SGCZ: variants seen among roughly 807,000 people sequenced by gnomAD.
SGCZ encodes sarcoglycan zeta.
A neutral mutation model predicts 41.3 loss-of-function variants in SGCZ; 40 were observed. The observed-to-expected ratio is 0.97, with a 90% CI of 0.75 to 1.26. The LOEUF is 1.26. Ranked by LOEUF, SGCZ falls within the 50% of genes most tolerant of loss-of-function variation. The pLI, the probability that SGCZ is intolerant of heterozygous loss-of-function variation, is 0.00. For missense variants in SGCZ, 552 were observed against 369.8 expected, an observed-to-expected ratio of 1.49 and a Z score of -4.04; for synonymous variants, 206 against 137.5, an observed-to-expected ratio of 1.50 and a Z score of -3.49.
At chr8:15,032,840 C>A (rs933072566) in intron 1 of SGCZ, among the ~76,000 whole-genome samples, 1 of 152,122 alleles carries the variant, frequency 6.6e-6, no homozygotes, top group African/African-American at 2.4e-5. Context: ...TCTAGGCCAG[C>A]CTCTGTGGAT....
chr8:14,517,004 A>G (rs7839802), intron 2 of SGCZ, among the ~76,000 whole-genome samples: 98,450 of 151,890 alleles, frequency 0.65, 32,417 homozygotes, highest in South Asian at 0.76. Flanking sequence ...GCCAGGAACC[A>G]GGAAGTCAAG....
rs548423412 is a variant in SGCZ at position 14,752,120 on chromosome 8, A to T, written c.40-197194T>A. Among the ~76,000 whole-genome samples the T allele has an allele frequency of 1.4e-3, 152 of 105,234 alleles. 2 individuals carry two copies. In the South Asian group the frequency reaches 0.022, roughly 15 times the overall value. The allele number at this position is 105,234 out of a possible 152,430, so 69.0% of individuals were successfully genotyped here. On this transcript the variant is annotated intron_variant, in intron 1 of 7. Transcript: ENST00000382080. ...AAAATACCGAAAACAAAAGAAAACA[A>T]AACAAAAAAGCCAAAAAAAAAAAAA...
chr8:14,186,309 G>T lies in SGCZ; in HGVS notation c.425-21607C>A, dbSNP rs185234217. On this transcript the variant is annotated intron_variant, in intron 4 of 7. Transcript: ENST00000382080. ...ATTTTTTAAACAGCAGAAGCAGAGAGAGACTGTATCATTTTAGCCATGAAT... is the reference window on the plus strand; with the variant it reads ...ATTTTTTAAACAGCAGAAGCAGAGATAGACTGTATCATTTTAGCCATGAAT... 3.9e-3 allele frequency among the ~76,000 whole-genome samples: 596 copies of T among 152,346 alleles called. 32 individuals carry two copies. Among genetic ancestry groups the T allele is most frequent in the Admixed American group, 0.038 (578 of 15,302 alleles).
chr8:14,525,882 A>G (rs2117112164), intron 2 of SGCZ, among the ~76,000 whole-genome samples: 1 of 152,206 alleles, frequency 6.6e-6, no homozygotes, highest in East Asian at 1.9e-4. Context: ...TTCACAGAAC[A>G]AAAATACGAT....
At chr8:15,139,204 T>G (rs772068463) in intron 1 of SGCZ, among the ~76,000 whole-genome samples, 1 of 152,204 alleles carries the variant, frequency 6.6e-6, no homozygotes, top group African/African-American at 2.4e-5. Context: ...ATTTCCCTAA[T>G]ACAATTCTTT....
chr8:14,796,683 A>T (rs533369658), intron 1 of SGCZ, among the ~76,000 whole-genome samples: 75 of 152,198 alleles, frequency 4.9e-4, no homozygotes, highest in Non-Finnish European at 8.1e-4. Flanking sequence ...GTAAACATCA[A>T]CTCAACTGGG....
chr8:15,059,803 C>T (rs144941474), intron 1 of SGCZ, among the ~76,000 whole-genome samples: 78 of 152,300 alleles, frequency 5.1e-4, no homozygotes, highest in African/African-American at 1.6e-3. Flanking sequence ...CCTCATATAG[C>T]CCAAGAACTC....
chr8:14,874,543 T>C (rs895037038), intron 1 of SGCZ, among the ~76,000 whole-genome samples: 7 of 152,160 alleles, frequency 4.6e-5, no homozygotes, highest in African/African-American at 1.7e-4. Context: ...CTTAATATGA[T>C]TAAAATGATT....
intron 5 of SGCZ, among the ~76,000 whole-genome samples, chr8:14,112,905 G>T (rs945518929): frequency 7.3e-5 from 11 of 150,380 alleles, no homozygotes; most frequent in African/African-American, 2.7e-4. Context: ...TTTGGGGAAA[G>T]GATGGAGTAA....
chr8:14,742,683 C>G (rs1257481003), intron 1 of SGCZ, among the ~76,000 whole-genome samples: 3 of 151,944 alleles, frequency 2.0e-5, no homozygotes, highest in Admixed American at 6.6e-5. Flanking sequence ...TTCCAGTGTA[C>G]TTAAGGAAAG....
chr8:14,536,970 C>T (rs1286039841), intron 2 of SGCZ, among the ~76,000 whole-genome samples: 1 of 151,846 alleles, frequency 6.6e-6, no homozygotes, highest in Non-Finnish European at 1.5e-5. Context: ...AAAGGAAATT[C>T]AAAATACCTT....
chr8:14,281,811 G>T (rs1177076544), intron 3 of SGCZ, among the ~76,000 whole-genome samples: 2 of 152,002 alleles, frequency 1.3e-5, no homozygotes, highest in East Asian at 3.9e-4. Context: ...AGAAATATGT[G>T]TATGTATATC....
chr8:14,213,682 T>A (rs1044060106), intron 4 of SGCZ, among the ~76,000 whole-genome samples: 2 of 152,070 alleles, frequency 1.3e-5, no homozygotes, highest in Non-Finnish European at 2.9e-5. Flanking sequence ...ACCTTTTAAA[T>A]CATATCTGTC....
At chr8:14,205,164 A>G (rs1024324149) in intron 4 of SGCZ, among the ~76,000 whole-genome samples, 8 of 54,192 alleles carry the variant, frequency 1.5e-4, no homozygotes, top group Non-Finnish European at 2.7e-4. Flanking sequence ...GTGGTATCCT[A>G]GACTTTATTT....
chr8:14,612,054 T>G (rs1805947149), intron 1 of SGCZ, among the ~76,000 whole-genome samples: 2 of 152,338 alleles, frequency 1.3e-5, no homozygotes, highest in South Asian at 2.1e-4. Flanking sequence ...CATTTGTCCT[T>G]CAAATTTGGA....
intron 3 of SGCZ, among the ~76,000 whole-genome samples, chr8:14,240,337 A>ATAAATAAATAAATAAAT (rs1296921852): frequency 1.7e-4 from 13 of 78,404 alleles, no homozygotes; most frequent in African/African-American, 5.1e-4. Flanking sequence ...CAAAAAAAAA[A>ATAAATAAATAAATAAAT]AAAAAAAAAA....
intron 1 of SGCZ, among the ~76,000 whole-genome samples, chr8:14,616,382 C>G (rs1396476526): frequency 6.6e-6 from 1 of 151,950 alleles, no homozygotes; most frequent in Non-Finnish European, 1.5e-5. Context: ...GTAAAATTTT[C>G]TCTACTTTGG....
At chr8:15,206,780 T>G (rs918876132) in intron 1 of SGCZ, among the ~76,000 whole-genome samples, 2 of 152,056 alleles carry the variant, frequency 1.3e-5, no homozygotes, top group African/African-American at 4.8e-5. Context: ...TAAAGAGATT[T>G]TTTTTTTCTA....
At chr8:14,496,143 G>A (rs1342826855) in intron 2 of SGCZ, among the ~76,000 whole-genome samples, 1 of 98,300 alleles carries the variant, frequency 1.0e-5, no homozygotes, top group Non-Finnish European at 2.3e-5. Flanking sequence ...ATGGCTCACT[G>A]CAGCCTCAAA....
Sources: allele counts gnomAD v4.1 joint callset (sites outside exome capture counted in the v4.1 genomes callset), GRCh38; gene constraint gnomAD v4.1.1; transcripts MANE v1.5; gene names NCBI Gene and HGNC (gene_info 2026-07-23, HGNC 2026-07-21).